HERC3: variants seen among roughly 807,000 people sequenced by gnomAD.
The protein encoded by HERC3 is HECT and RLD domain containing E3 ubiquitin protein ligase 3.
Under a neutral mutation model 129.9 loss-of-function variants are expected in HERC3, and 58 were observed. The observed-to-expected ratio is 0.45, with a 90% CI of 0.36 to 0.56. HERC3 has a LOEUF of 0.56. Among genes scored for constraint, HERC3 ranks in the 20% least tolerant of loss-of-function variants. The pLI is 0.00. For synonymous variants in HERC3, 430 were observed against 451.0 expected (o/e 0.95, Z 0.59); for missense variants, 835 against 1,244.2 (o/e 0.67, Z 4.95).
upstream of HERC3, chr4:88,592,475 A>G (rs1031284204): frequency 2.0e-5 from 3 of 152,296 alleles, no homozygotes; most frequent in Admixed American, 1.3e-4. Context: ...TTGCGGGGAA[A>G]CTTCCTTATT....
At chr4:88,673,966 T>TCTGGGCAGTGTCTCTCTGGCTTTGG (rs1731883352) in intron 16 of HERC3, among the ~76,000 whole-genome samples, 1 of 152,162 alleles carries the variant, frequency 6.6e-6, no homozygotes, top group Non-Finnish European at 1.5e-5. Flanking sequence ...GACCACCAGC[T>TCTGGGCAGTGTCTCTCTGGCTTTGG]CTGGGCAGTG....
At chr4:88,531,810 G>T in the HERC3 span, among the ~76,000 whole-genome samples, 4 of 152,142 alleles carry the variant, frequency 2.6e-5, no homozygotes, top group Non-Finnish European at 5.9e-5. Flanking sequence ...ATTTGCATGG[G>T]TTAGATGAAT....
intron 1 of HERC3, among the ~76,000 whole-genome samples, chr4:88,595,172 G>C (rs1275224861): frequency 6.7e-6 from 1 of 148,660 alleles, no homozygotes; most frequent in East Asian, 2.0e-4. Context: ...GGCAAAACAA[G>C]CTGCTATGTG....
intron 23 of HERC3, among the ~76,000 whole-genome samples, chr4:88,699,736 T>C (rs1263137518): frequency 6.6e-6 from 1 of 152,150 alleles, no homozygotes; most frequent in Non-Finnish European, 1.5e-5. Context: ...CTAACTTAAC[T>C]TGCTTAAAAT....
chr4:88,566,404 C>T, the HERC3 span, among the ~76,000 whole-genome samples: 2 of 142,688 alleles, frequency 1.4e-5, no homozygotes, highest in East Asian at 3.9e-4. Context: ...TACACTTTAA[C>T]TTCCTTCCCC....
intron 12 of HERC3, 63 bp from the exon 13 acceptor site, chr4:88,667,314 T>G: frequency 1.2e-6 from 1 of 822,716 alleles, no homozygotes; most frequent in South Asian, 1.8e-5. Context: ...TACTTGTTTA[T>G]AATTCCTATC....
the HERC3 span, among the ~76,000 whole-genome samples, chr4:88,548,956 C>T: frequency 2.6e-5 from 4 of 152,082 alleles, no homozygotes; most frequent in Admixed American, 6.6e-5. Context: ...CCACTGCGCC[C>T]GGCCCATCTT....
At chr4:88,687,864 T>A (rs1578321981) in intron 23 of HERC3, among the ~76,000 whole-genome samples, 1 of 152,358 alleles carries the variant, frequency 6.6e-6, no homozygotes, top group South Asian at 2.1e-4. Flanking sequence ...TCAGGATGAT[T>A]CATAATCTCT....
chr4:88,665,135 A>G (rs1730909032), intron 12 of HERC3, among the ~76,000 whole-genome samples: 1 of 152,210 alleles, frequency 6.6e-6, no homozygotes. Context: ...TGGAACAAAT[A>G]GGAGAGAGAT....
At chr4:88,546,981 T>A in the HERC3 span, among the ~76,000 whole-genome samples, 2 of 152,178 alleles carry the variant, frequency 1.3e-5, no homozygotes, top group Non-Finnish European at 2.9e-5. Context: ...TGTTTCTTGG[T>A]CTATAATTGA....
At chr4:88,592,269 C>A (rs1336317199), upstream of HERC3, among the ~76,000 whole-genome samples, 1 of 151,816 alleles carries the variant, frequency 6.6e-6, no homozygotes, top group Non-Finnish European at 1.5e-5. Context: ...CGCGCCGGGC[C>A]CTCGAGTCCT....
At chr4:88,660,526 G>T (rs985821241) in intron 10 of HERC3, among the ~76,000 whole-genome samples, 1 of 152,100 alleles carries the variant, frequency 6.6e-6, no homozygotes, top group Non-Finnish European at 1.5e-5. Context: ...TTTATAAAAG[G>T]CTGACTCATT....
intron 3 of HERC3, among the ~76,000 whole-genome samples, chr4:88,608,021 A>C (rs117014454): frequency 1.3e-5 from 2 of 152,230 alleles, no homozygotes; most frequent in East Asian, 3.9e-4. Flanking sequence ...ATAACCTTAC[A>C]GTTTTTTCTA....
chr4:88,602,051 G>T (rs1239874361), intron 2 of HERC3, among the ~76,000 whole-genome samples: 1 of 69,362 alleles, frequency 1.4e-5, no homozygotes, highest in African/African-American at 2.9e-4. Flanking sequence ...GCGAGACTCC[G>T]TCTCAAAAAA....
chr4:88,567,603 G>A, the HERC3 span, among the ~76,000 whole-genome samples: 1 of 152,136 alleles, frequency 6.6e-6, no homozygotes, highest in South Asian at 2.1e-4. Flanking sequence ...TATGTCAATT[G>A]AATTTCTCGG....
intron 3 of HERC3, among the ~76,000 whole-genome samples, chr4:88,606,253 CTTTT>C (rs558927566): frequency 2.2e-5 from 3 of 135,372 alleles, no homozygotes; most frequent in Admixed American, 1.5e-4. Flanking sequence ...CTTTTCTTTT[CTTTT>C]TTTTTTTTTT....
chr4:88,653,668 T>C (rs1729536045), intron 6 of HERC3, among the ~76,000 whole-genome samples: 1 of 152,158 alleles, frequency 6.6e-6, no homozygotes, highest in African/African-American at 2.4e-5. Context: ...AAGACCAGCT[T>C]GGAGGTTGTG....
chr4:88,662,470 G>A lies in HERC3; in HGVS notation c.1186G>A (p.Ala396Thr). Residue 396 changes from alanine to threonine, a missense_variant, in exon 11 of 26, where the codon GCA becomes ACA. Coordinates refer to ENST00000402738, the MANE Select transcript of HERC3 (RefSeq NM_014606.3). The stretch of plus-strand genomic sequence containing the variant: ...TGTTGACTTCAGGACTATGAACCAA[G>A]CACATTATACCAGTTTAATAAATGA... Reference protein sequence around the residue: ...PAVDFRTMNQAHYTSLINDET... With the variant: ...PAVDFRTMNQTHYTSLINDET... 6.2e-7 allele frequency: 1 copy of A among 1,613,072 alleles called. No homozygotes were observed. Among genetic ancestry groups the A allele is most frequent in the Middle Eastern group, 1.7e-4 (1 of 6,050 alleles).
intron 3 of HERC3, among the ~76,000 whole-genome samples, chr4:88,640,620 T>C (rs1245619153): frequency 6.6e-6 from 1 of 152,006 alleles, no homozygotes; most frequent in Non-Finnish European, 1.5e-5. Flanking sequence ...AGGTAATACA[T>C]GTGGGGCTTA....
Sources: allele counts gnomAD v4.1 joint callset (sites outside exome capture counted in the v4.1 genomes callset), GRCh38; gene constraint gnomAD v4.1.1; transcripts MANE v1.5; gene names NCBI Gene and HGNC (gene_info 2026-07-23, HGNC 2026-07-21).